TLN2: variants seen among roughly 807,000 people sequenced by gnomAD.
The protein encoded by TLN2 is talin 2.
Under a neutral mutation model 294.7 loss-of-function variants are expected in TLN2, and 118 were observed. The observed-to-expected ratio is 0.40, with a 90% confidence interval of 0.34 to 0.47. The LOEUF (loss-of-function observed/expected upper bound fraction) is 0.47, where lower values mean the gene tolerates loss of function less well. Among genes scored for constraint, TLN2 ranks in the 20% least tolerant of loss-of-function variants. The pLI is 0.84. For missense variants in TLN2, 3,083 were observed against 3,282.2 expected, an observed-to-expected ratio of 0.94 and a Z score of 1.48; for synonymous variants, 1,431 against 1,304.5, an observed-to-expected ratio of 1.10 and a Z score of -2.09.
chr15:62,708,450 A>C, intron 20 of TLN2, 52 bp from the exon 21 acceptor site: 1 of 1,579,334 alleles, frequency 6.3e-7, no homozygotes, highest in South Asian at 1.1e-5. Flanking sequence ...GCACATGGAG[A>C]GGGACCAGGA....
intron 1 of TLN2, among the ~76,000 whole-genome samples, chr15:62,533,145 T>C (rs2041141270): frequency 6.7e-6 from 1 of 149,414 alleles, no homozygotes; most frequent in African/African-American, 2.5e-5. Flanking sequence ...TTCCAGCTAC[T>C]TGGGAGGCTG....
intron 38 of TLN2, 113 bp from the exon 39 acceptor site, chr15:62,762,159 T>C: frequency 8.1e-7 from 1 of 1,231,266 alleles, no homozygotes; most frequent in Non-Finnish European, 1.2e-6. Context: ...GCCCTCTTTG[T>C]CTCCTTCAAA....
intron 1 of TLN2, among the ~76,000 whole-genome samples, chr15:62,469,273 A>G (rs910662782): frequency 1.3e-5 from 2 of 152,220 alleles, no homozygotes; most frequent in Non-Finnish European, 2.9e-5. Flanking sequence ...TCATGAGCAG[A>G]TGCATTTTCT....
Position 62,738,323 on chromosome 15 carries a change from T to C in TLN2, c.3677T>C (p.Leu1226Pro), listed in dbSNP as rs757327682. 2 of 1,613,976 alleles carry C rather than the reference T, an allele frequency of 1.2e-6. No individual in the cohort carries two copies. Among genetic ancestry groups the C allele is most frequent in the Admixed American group, 1.7e-5 (1 of 60,022 alleles). Residue 1226 changes from leucine (L) to proline (P), a missense_variant, in exon 30 of 59, where the codon CTT becomes CCT. Transcript: ENST00000636159. ...KSIGESSKKL[L>P]VDSLPPSTKP... Reference sequence around the variant, plus strand: ...ATCGGGGAGTCCAGCAAGAAGCTGCTTGTGGATTCGGTGAGAGGTTCTTAG... The same window carrying C: ...ATCGGGGAGTCCAGCAAGAAGCTGCCTGTGGATTCGGTGAGAGGTTCTTAG...
chr15:62,588,300 A>C (rs560381952), intron 1 of TLN2, among the ~76,000 whole-genome samples: 8 of 152,156 alleles, frequency 5.3e-5, no homozygotes, highest in African/African-American at 1.7e-4. Flanking sequence ...GGGAATATTA[A>C]TTTTCTTGTT....
intron 11 of TLN2, 31 bp downstream of exon 11, chr15:62,675,352 C>T (rs755569863): frequency 2.5e-6 from 4 of 1,600,788 alleles, no homozygotes; most frequent in East Asian, 4.5e-5. Context: ...AGAGTGTTCA[C>T]CTTGGCCCCT....
intron 1 of TLN2, among the ~76,000 whole-genome samples, chr15:62,456,787 C>G (rs138740058): frequency 6.6e-6 from 1 of 152,284 alleles, no homozygotes; most frequent in East Asian, 1.9e-4. Context: ...ATTTCTGTTT[C>G]CTGGGGTTTA....
Position 62,805,722 on chromosome 15 carries a change from G to A in TLN2, c.6600G>A (p.Glu2200=). The A allele has an allele frequency of 6.2e-7, 1 of 1,614,172 alleles. No homozygotes were observed. Among genetic ancestry groups the A allele is most frequent in the Non-Finnish European group, 8.5e-7 (1 of 1,180,018 alleles). Residue 2200 remains glutamate, a synonymous_variant, in exon 51 of 59, where the codon GAG becomes GAA. Transcript: ENST00000636159. ...AVAAGNSCRQ[E]DVIATANLSR... ...CAGCTGGGAACTCATGTAGACAGGAGGACGTGATTGCTACTGCCAACCTGA... is the reference window on the plus strand; with the variant it reads ...CAGCTGGGAACTCATGTAGACAGGAAGACGTGATTGCTACTGCCAACCTGA...
In TLN2 at chr15:62,700,712, G is replaced by T. The variant is rs138517638; in HGVS notation, c.1588-394G>T. On this transcript the variant is annotated intron_variant, in intron 16 of 58. Transcript: ENST00000636159. ...GTTGAAACACCCTCTTTCTCACCCT[G>T]CACCCTGCAAAGCAAGGTGAAAATT... is the stretch of plus-strand genomic sequence containing the variant. Among the ~76,000 whole-genome samples the T allele has an allele frequency of 2.0e-5, 3 of 152,308 alleles. 1 individual carries two copies. Among genetic ancestry groups the T allele is most frequent in the African/African-American group, 7.2e-5 (3 of 41,570 alleles).
chr15:62,805,530 T>C, intron 50 of TLN2, 70 bp from the exon 51 acceptor site: 1 of 1,459,124 alleles, frequency 6.9e-7, no homozygotes, highest in Non-Finnish European at 9.1e-7. Flanking sequence ...TACAGCCTGG[T>C]TGGAGAAGAA....
chr15:62,625,305 T>C (rs995673922), intron 3 of TLN2, among the ~76,000 whole-genome samples: 2 of 152,170 alleles, frequency 1.3e-5, no homozygotes, highest in Admixed American at 6.5e-5. Flanking sequence ...GTCATCTTGA[T>C]CACCCCTGGA....
chr15:62,399,475 C>A (rs893579528), intron 1 of TLN2, among the ~76,000 whole-genome samples: 1 of 152,082 alleles, frequency 6.6e-6, no homozygotes, highest in African/African-American at 2.4e-5. Flanking sequence ...AGTAGATCCA[C>A]CAACAGCTTG....
At chr15:62,587,985 A>G (rs962447960) in intron 1 of TLN2, among the ~76,000 whole-genome samples, 3 of 151,766 alleles carry the variant, frequency 2.0e-5, no homozygotes, top group African/African-American at 4.8e-5. Context: ...GGTTCACACT[A>G]TTCTCCTGCC....
chr15:62,753,701 C>A, intron 35 of TLN2, 72 bp from the exon 36 acceptor site: 1 of 1,518,954 alleles, frequency 6.6e-7, no homozygotes, highest in Non-Finnish European at 8.8e-7. Flanking sequence ...ATGTGTAGTG[C>A]GGACCATCAT....
At chr15:62,805,887 T>G in intron 51 of TLN2, 102 bp downstream of exon 51, 1 of 1,334,756 alleles carries the variant, frequency 7.5e-7, no homozygotes, top group East Asian at 2.5e-5. Flanking sequence ...ACCTTAAACT[T>G]TGTAATAAAA....
intron 1 of TLN2, among the ~76,000 whole-genome samples, chr15:62,523,182 G>A (rs886324542): frequency 3.3e-5 from 5 of 152,170 alleles, no homozygotes; most frequent in South Asian, 2.1e-4. Context: ...ACAGAGCCCC[G>A]AAGCCAGCAA....
chr15:62,685,294 A>T (rs2057186147), intron 11 of TLN2, among the ~76,000 whole-genome samples: 1 of 152,094 alleles, frequency 6.6e-6, no homozygotes, highest in Non-Finnish European at 1.5e-5. Flanking sequence ...GTAATCTGTT[A>T]TCTGGATATA....
chr15:62,734,818 G>C (rs982481999), intron 28 of TLN2, among the ~76,000 whole-genome samples: 1 of 152,174 alleles, frequency 6.6e-6, no homozygotes, highest in African/African-American at 2.4e-5. Context: ...AACCCATCTG[G>C]TTTTATGGAT....
At chr15:62,596,617 A>G (rs2046540544) in intron 2 of TLN2, among the ~76,000 whole-genome samples, 1 of 152,050 alleles carries the variant, frequency 6.6e-6, no homozygotes, top group Non-Finnish European at 1.5e-5. Context: ...GCGTGCCTGC[A>G]GTTCCAGCTA....
Sources: gnomAD v4.1 joint callset for allele counts (sites outside exome capture counted in the v4.1 genomes callset) on GRCh38, gnomAD v4.1.1 for gene constraint, MANE v1.5 for transcripts, NCBI Gene and HGNC (gene_info 2026-07-23, HGNC 2026-07-21) for gene names.